Variants in NRXN3 observed in about 807,000 individuals in gnomAD.
The protein encoded by NRXN3 is neurexin III.
A neutral mutation model predicts 137.6 loss-of-function variants in NRXN3; 32 were observed. The observed-to-expected ratio is 0.23, with a 90% confidence interval of 0.18 to 0.31. NRXN3 has a LOEUF of 0.31. Among genes scored for constraint, NRXN3 ranks in the 10% least tolerant of loss-of-function variants. The probability of loss-of-function intolerance (pLI) is 1.00; values close to 1 mark genes in which losing one functional copy is unlikely to be tolerated. For missense variants in NRXN3, 1,574 were observed against 2,062.5 expected, an observed-to-expected ratio of 0.76 and a Z score of 4.59; for synonymous variants, 798 against 784.5, an observed-to-expected ratio of 1.02 and a Z score of -0.29.
At chr14:79,176,185 A>T (rs759424127) in intron 15 of NRXN3, among the ~76,000 whole-genome samples, 1 of 152,182 alleles carries the variant, frequency 6.6e-6, no homozygotes, top group African/African-American at 2.4e-5. Flanking sequence ...AGCAATTCTT[A>T]ACTGGAAGTT....
chr14:79,388,551 G>A (rs764700042), intron 15 of NRXN3, among the ~76,000 whole-genome samples: 4 of 151,860 alleles, frequency 2.6e-5, no homozygotes, highest in Non-Finnish European at 5.9e-5. Flanking sequence ...TTGATCTGTT[G>A]CCCCATGGTG....
intron 19 of NRXN3, among the ~76,000 whole-genome samples, chr14:79,793,204 G>T (rs535557134): frequency 2.6e-5 from 4 of 152,210 alleles, no homozygotes; most frequent in South Asian, 2.1e-4. Context: ...GGCCGAGGCG[G>T]GCGGATCACG....
intron 19 of NRXN3, among the ~76,000 whole-genome samples, chr14:79,720,403 T>A (rs148962104): frequency 2.6e-5 from 4 of 152,226 alleles, no homozygotes; most frequent in Admixed American, 6.5e-5. Flanking sequence ...GTTATCCTTC[T>A]CCTCTGCCAT....
At chr14:78,577,895 G>A (rs115773392) in intron 4 of NRXN3, among the ~76,000 whole-genome samples, 115 of 152,232 alleles carry the variant, frequency 7.6e-4, no homozygotes, top group African/African-American at 2.7e-3. Flanking sequence ...TATGATCTCT[G>A]AGGCCTAGCT....
intron 1 of NRXN3, among the ~76,000 whole-genome samples, chr14:78,174,111 TG>T (rs2059030850): frequency 6.6e-6 from 1 of 152,046 alleles, no homozygotes; most frequent in Non-Finnish European, 1.5e-5. Context: ...GGGATTGGAA[TG>T]GGGGTAGATA....
At chr14:79,713,539 A>C (rs886762683) in intron 19 of NRXN3, among the ~76,000 whole-genome samples, 2 of 138,444 alleles carry the variant, frequency 1.4e-5, no homozygotes, top group African/African-American at 5.2e-5. Context: ...TTGGTGGTAC[A>C]GTAATTCTTA....
Position 78,970,885 on chromosome 14 carries a change from C to T in NRXN3, c.3142+2539C>T, listed in dbSNP as rs995965452. Among the ~76,000 whole-genome samples, 4 of 152,274 alleles carry T rather than the reference C, an allele frequency of 2.6e-5. No individual in the cohort carries two copies. The South Asian group carries it at 6.2e-4, about 24-fold the overall frequency. On this transcript the variant is annotated intron_variant, in intron 14 of 20. Coordinates refer to ENST00000335750, the MANE Select transcript of NRXN3 (RefSeq NM_001330195.2). ...GAGTCCCATGAGCCTAATAGCACTGCACTCTATTGCCATGGAGATAATTAC... is the reference window on the plus strand; with the variant it reads ...GAGTCCCATGAGCCTAATAGCACTGTACTCTATTGCCATGGAGATAATTAC...
rs117215117 is a variant in NRXN3 at position 78,871,202 on chromosome 14, C to T, written c.2275+60858C>T. 9.2e-3 allele frequency among the ~76,000 whole-genome samples: 1,388 copies of T among 151,126 alleles called. 11 individuals are homozygous for T. The highest frequency in any genetic ancestry group is 0.025 in the South Asian group (119 of 4,748). On this transcript the variant is annotated intron_variant, in intron 10 of 20. Coordinates refer to ENST00000335750, the MANE Select transcript of NRXN3 (RefSeq NM_001330195.2). ...CAGCACACTAGAGTTCCTCTTTTTCCGTATCCTCATCAGCATTCATTATTG... is the reference window on the plus strand; with the variant it reads ...CAGCACACTAGAGTTCCTCTTTTTCTGTATCCTCATCAGCATTCATTATTG...
intron 17 of NRXN3, among the ~76,000 whole-genome samples, chr14:79,684,245 T>C (rs2098685621): frequency 6.6e-6 from 1 of 152,196 alleles, no homozygotes; most frequent in Admixed American, 6.5e-5. Flanking sequence ...TCATAAAGTA[T>C]GTTGTATGAA....
chr14:78,413,209 C>G lies in NRXN3; in HGVS notation c.757+115349C>G, dbSNP rs79935426. 1.0e-3 allele frequency among the ~76,000 whole-genome samples: 157 copies of G among 152,302 alleles called. 7 individuals carry two copies. In the East Asian group the frequency reaches 0.03, roughly 29 times the overall value. The stretch of plus-strand genomic sequence containing the variant: ...AAGATGTGGTATAGCTGAGGTCTAG[C>G]TCAGCCTGATCCACAGAGGAGCTGA... On this transcript the variant is annotated intron_variant, in intron 4 of 20. Coordinates refer to ENST00000335750, the MANE Select transcript of NRXN3 (RefSeq NM_001330195.2).
At chr14:79,058,045 A>T (rs2099668254) in intron 15 of NRXN3, among the ~76,000 whole-genome samples, 1 of 152,088 alleles carries the variant, frequency 6.6e-6, no homozygotes, top group African/African-American at 2.4e-5. Flanking sequence ...GAATCTTTGG[A>T]TGTAACCGAG....
intron 14 of NRXN3, among the ~76,000 whole-genome samples, chr14:78,969,903 CT>C (rs2099430732): frequency 6.6e-6 from 1 of 151,530 alleles, no homozygotes; most frequent in Admixed American, 6.6e-5. Context: ...AAAGCAGCCA[CT>C]TTGCTCCTAG....
At chr14:79,147,661 A>C (rs1416571317) in intron 15 of NRXN3, among the ~76,000 whole-genome samples, 2 of 152,092 alleles carry the variant, frequency 1.3e-5, no homozygotes, top group East Asian at 3.9e-4. Flanking sequence ...TCACAAGCAG[A>C]GGCATATTTT....
chr14:78,737,665 A>C (rs1257044192), intron 8 of NRXN3, among the ~76,000 whole-genome samples: 2 of 152,220 alleles, frequency 1.3e-5, no homozygotes, highest in Non-Finnish European at 2.9e-5. Flanking sequence ...AATTAATTTC[A>C]GAAATCCAGT....
intron 17 of NRXN3, among the ~76,000 whole-genome samples, chr14:79,667,062 C>G (rs1567827669): frequency 6.6e-6 from 1 of 151,902 alleles, no homozygotes; most frequent in Non-Finnish European, 1.5e-5. Context: ...TTAAAAGGAT[C>G]AATTTAACTA....
At chr14:78,364,621 G>A (rs2085629894) in intron 4 of NRXN3, among the ~76,000 whole-genome samples, 1 of 152,210 alleles carries the variant, frequency 6.6e-6, no homozygotes, top group African/African-American at 2.4e-5. Flanking sequence ...GGGCATGTTT[G>A]ATGTCAGTAC....
intron 15 of NRXN3, among the ~76,000 whole-genome samples, chr14:79,047,158 A>C (rs1293735509): frequency 6.7e-6 from 1 of 148,564 alleles, no homozygotes; most frequent in Non-Finnish European, 1.5e-5. Flanking sequence ...AAAAAAAAAA[A>C]CACACCACCA....
chr14:79,043,575 C>A (rs2099628429), intron 15 of NRXN3, among the ~76,000 whole-genome samples: 1 of 152,124 alleles, frequency 6.6e-6, no homozygotes, highest in Non-Finnish European at 1.5e-5. Context: ...AGAGATACAG[C>A]AGTAGACTTC....
chr14:79,322,432 AT>A (rs1263933628), intron 15 of NRXN3, among the ~76,000 whole-genome samples: 1 of 152,212 alleles, frequency 6.6e-6, no homozygotes, highest in Non-Finnish European at 1.5e-5. Context: ...ATGAAGTGAA[AT>A]AAACAAGGAG....
Sources: gnomAD v4.1 joint callset for allele counts (sites outside exome capture counted in the v4.1 genomes callset) on GRCh38, gnomAD v4.1.1 for gene constraint, MANE v1.5 for transcripts, NCBI Gene and HGNC (gene_info 2026-07-23, HGNC 2026-07-21) for gene names.